GABRB1: variants seen among roughly 807,000 people sequenced by gnomAD.
GABRB1 encodes the protein gamma-aminobutyric acid type A receptor subunit beta1.
In GABRB1, 17 loss-of-function variants were observed where a neutral mutation model predicts 51.6. The observed-to-expected ratio is 0.33, with a 90% confidence interval of 0.23 to 0.49. The LOEUF is 0.49. Ranked by LOEUF, GABRB1 falls within the 20% of genes least tolerant of loss-of-function variation. GABRB1 has a pLI of 0.99. For synonymous variants in GABRB1, 247 were observed against 218.9 expected (o/e 1.13, Z -1.14); for missense variants, 410 against 600.6 (o/e 0.68, Z 3.32).
intron 4 of GABRB1, among the ~76,000 whole-genome samples, chr4:47,254,361 G>GTTTTTTTTTTTTTTTTTT (rs56838956): frequency 3.7e-5 from 3 of 80,966 alleles, no homozygotes; most frequent in African/African-American, 5.2e-5. Context: ...TCTTTTCTTT[G>GTTTTTTTTTTTTTTTTTT]TTTTTTTTTT....
rs113188422 is a variant in GABRB1 at position 47,100,925 on chromosome 4, A to G, written c.241-60324A>G. Reference sequence around the variant, plus strand: ...TAAAGTCAAGAAAGTTTAGAAGAACATAACATGTCAAGGAGATAGGCAAAT... The same window carrying G: ...TAAAGTCAAGAAAGTTTAGAAGAACGTAACATGTCAAGGAGATAGGCAAAT... On this transcript the variant is annotated intron_variant, in intron 3 of 8. Transcript: ENST00000295454. 8.4e-3 allele frequency among the ~76,000 whole-genome samples: 1,284 copies of G among 152,108 alleles called. 13 individuals are homozygous for G. Among genetic ancestry groups the G allele is most frequent in the African/African-American group, 0.029 (1,204 of 41,520 alleles).
intron 4 of GABRB1, among the ~76,000 whole-genome samples, chr4:47,246,572 G>T (rs988112731): frequency 3.3e-5 from 5 of 150,628 alleles, no homozygotes; most frequent in Non-Finnish European, 7.4e-5. Context: ...TCAAATGGTA[G>T]TTCTACTTTT....
At chr4:47,302,805 T>G (rs774406098) in intron 4 of GABRB1, among the ~76,000 whole-genome samples, 1 of 151,994 alleles carries the variant, frequency 6.6e-6, no homozygotes. Flanking sequence ...TCAGATTAAT[T>G]AATTACTGGA....
chr4:47,239,856 A>C (rs977595236), intron 4 of GABRB1, among the ~76,000 whole-genome samples: 8 of 152,138 alleles, frequency 5.3e-5, no homozygotes, highest in African/African-American at 1.9e-4. Context: ...CATGGCTGAC[A>C]ATCACCCTAT....
chr4:47,155,882 T>C (rs1717669253), intron 3 of GABRB1, among the ~76,000 whole-genome samples: 1 of 134,484 alleles, frequency 7.4e-6, no homozygotes, highest in Admixed American at 8.3e-5. Context: ...AAAACATTTT[T>C]AAATCTTTTA....
intron 5 of GABRB1, among the ~76,000 whole-genome samples, chr4:47,333,200 A>G (rs1233934719): frequency 0.015 from 28 of 1,816 alleles, 1 homozygote; most frequent in African/African-American, 0.034. Context: ...TTATTTATAT[A>G]TATATATATA....
chr4:47,326,124 C>A (rs115720289), intron 5 of GABRB1, among the ~76,000 whole-genome samples: 2,514 of 152,248 alleles, frequency 0.017, 83 homozygotes, highest in African/African-American at 0.057. Flanking sequence ...ATAAATCATC[C>A]CTTTATCCAG....
intron 5 of GABRB1, among the ~76,000 whole-genome samples, chr4:47,396,416 A>T (rs1030499789): frequency 1.8e-4 from 27 of 152,150 alleles, no homozygotes; most frequent in African/African-American, 6.5e-4. Context: ...ACAGAGCCAA[A>T]CCATATCAGG....
intron 3 of GABRB1, among the ~76,000 whole-genome samples, chr4:47,081,247 C>T (rs149922843): frequency 2.4e-4 from 36 of 152,216 alleles, no homozygotes; most frequent in African/African-American, 7.5e-4. Context: ...AGTGGAAGCA[C>T]GTTTATGCAA....
chr4:47,376,544 G>T (rs911072101), intron 5 of GABRB1, among the ~76,000 whole-genome samples: 7 of 152,210 alleles, frequency 4.6e-5, no homozygotes, highest in African/African-American at 1.7e-4. Flanking sequence ...CTACTTGGGG[G>T]GCTGAGGCAG....
At chr4:47,408,215 A>G (rs1010718025) in intron 8 of GABRB1, among the ~76,000 whole-genome samples, 20 of 152,234 alleles carry the variant, frequency 1.3e-4, no homozygotes, top group African/African-American at 4.6e-4. Context: ...TCTGATACCT[A>G]TGTAATGAGA....
At chr4:47,414,406 C>T (rs780871314) in intron 8 of GABRB1, among the ~76,000 whole-genome samples, 18 of 152,108 alleles carry the variant, frequency 1.2e-4, no homozygotes, top group Non-Finnish European at 2.4e-4. Context: ...AAAGGTCTTC[C>T]AGGTCATAGG....
At chr4:47,022,975 C>G (rs1480914554) in intron 1 of GABRB1, among the ~76,000 whole-genome samples, 7 of 151,966 alleles carry the variant, frequency 4.6e-5, no homozygotes, top group Non-Finnish European at 8.8e-5. Context: ...ATATACGCAA[C>G]AGAGTACTAT....
chr4:47,113,183 C>T (rs1025975599), intron 3 of GABRB1, among the ~76,000 whole-genome samples: 21 of 151,940 alleles, frequency 1.4e-4, no homozygotes, highest in African/African-American at 4.1e-4. Flanking sequence ...GTCGAGAGTT[C>T]GAGATCAGCC....
At chr4:47,400,096 C>A (rs745334116) in intron 5 of GABRB1, among the ~76,000 whole-genome samples, 3 of 152,094 alleles carry the variant, frequency 2.0e-5, no homozygotes, top group Non-Finnish European at 4.4e-5. Context: ...TTTATAGTTT[C>A]TTCATGCTTT....
At chr4:47,049,367 A>T (rs374160453) in intron 3 of GABRB1, among the ~76,000 whole-genome samples, 2 of 152,312 alleles carry the variant, frequency 1.3e-5, no homozygotes, top group East Asian at 1.9e-4. Flanking sequence ...GAAGCATGCC[A>T]ACTGTTTCTT....
intron 4 of GABRB1, among the ~76,000 whole-genome samples, chr4:47,263,596 A>C (rs1578046442): frequency 6.6e-6 from 1 of 152,148 alleles, no homozygotes. Context: ...ATCTCTGCCC[A>C]CTCTTTAAAC....
At chr4:47,253,932 C>T (rs149680645) in intron 4 of GABRB1, among the ~76,000 whole-genome samples, 35 of 152,208 alleles carry the variant, frequency 2.3e-4, no homozygotes, top group African/African-American at 6.5e-4. Context: ...TTATCATTAA[C>T]GTGATTCCAT....
intron 8 of GABRB1, among the ~76,000 whole-genome samples, chr4:47,415,615 G>A (rs2110063130): frequency 6.6e-6 from 1 of 152,208 alleles, no homozygotes; most frequent in South Asian, 2.1e-4. Flanking sequence ...GATGCAATTA[G>A]GCATACTTCA....
Sources: allele counts gnomAD v4.1 joint callset (sites outside exome capture counted in the v4.1 genomes callset), GRCh38; gene constraint gnomAD v4.1.1; transcripts MANE v1.5; gene names NCBI Gene and HGNC (gene_info 2026-07-23, HGNC 2026-07-21).